ZNF804B: variants seen among roughly 807,000 people sequenced by gnomAD.
ZNF804B encodes the protein zinc finger 804B.
ZNF804B carries 80 observed loss-of-function variants against 101.4 expected under a neutral mutation model. The ratio of observed to expected loss-of-function variants is 0.79; its 90% CI spans 0.66 to 0.95. ZNF804B has a LOEUF of 0.95. Ranked by LOEUF, ZNF804B falls within the 40% of genes least tolerant of loss-of-function variation. The pLI is 0.00. For missense variants in ZNF804B, 1,673 were observed against 1,561.9 expected (o/e 1.07, Z -1.20); for synonymous variants, 622 against 558.8 (o/e 1.11, Z -1.59).
In ZNF804B at chr7:88,794,820, G is replaced by T. The variant is rs540627286; in HGVS notation, c.108+34736G>T. On this transcript the variant is annotated intron_variant, in intron 1 of 3. Transcript: ENST00000333190. ...TCCTATCAAGAAGGAATTTCTTTAG[G>T]TGTAGTCGTTGTTTCTCTTCTTGAA... The T allele has an allele frequency of 4.6e-5, 74 of 1,613,724 alleles. 1 individual carries two copies. The South Asian group carries it at 7.7e-4, about 17-fold the overall frequency.
At chr7:89,042,244 A>G (rs1211418032) in intron 1 of ZNF804B, among the ~76,000 whole-genome samples, 1 of 152,194 alleles carries the variant, frequency 6.6e-6, no homozygotes, top group Non-Finnish European at 1.5e-5. Flanking sequence ...TAATAATAAT[A>G]TGAGGGATAA....
At chr7:89,094,147 A>C (rs1438574512) in intron 1 of ZNF804B, among the ~76,000 whole-genome samples, 1 of 152,214 alleles carries the variant, frequency 6.6e-6, no homozygotes, top group Non-Finnish European at 1.5e-5. Flanking sequence ...CAAGCTATTG[A>C]ATTGTAGATA....
At chr7:89,285,522 CAAAAAAAAAAAA>C (rs778078214) in intron 2 of ZNF804B, among the ~76,000 whole-genome samples, 13 of 22,396 alleles carry the variant, frequency 5.8e-4, no homozygotes, top group Admixed American at 1.6e-3. Flanking sequence ...GACTCTGTCT[CAAAAAAAAAAAA>C]AAAAAAAAAA....
intron 1 of ZNF804B, among the ~76,000 whole-genome samples, chr7:88,975,262 T>C (rs765676511): frequency 4.5e-4 from 68 of 151,532 alleles, no homozygotes; most frequent in Admixed American, 9.9e-4. Flanking sequence ...GTCTCTTCAA[T>C]ATACTGATTT....
intron 2 of ZNF804B, among the ~76,000 whole-genome samples, chr7:89,296,800 T>C (rs541083388): frequency 6.5e-4 from 99 of 152,204 alleles, no homozygotes; most frequent in African/African-American, 2.2e-3. Context: ...GAGAACTTAA[T>C]AGGTAATTCT....
At chr7:89,142,084 T>A (rs1345908019) in intron 1 of ZNF804B, among the ~76,000 whole-genome samples, 4 of 151,710 alleles carry the variant, frequency 2.6e-5, no homozygotes, top group African/African-American at 9.7e-5. Flanking sequence ...AAGATTTTTT[T>A]AAGATTAAGA....
At chr7:89,009,970 C>T (rs919873613) in intron 1 of ZNF804B, among the ~76,000 whole-genome samples, 3 of 152,090 alleles carry the variant, frequency 2.0e-5, no homozygotes, top group Non-Finnish European at 4.4e-5. Flanking sequence ...TCTCATTTTC[C>T]ATTATTTCCT....
chr7:88,995,104 C>A (rs917330248), intron 1 of ZNF804B, among the ~76,000 whole-genome samples: 1 of 152,040 alleles, frequency 6.6e-6, no homozygotes, highest in Non-Finnish European at 1.5e-5. Context: ...ATATCGCCTG[C>A]CTATCTATTG....
intron 1 of ZNF804B, among the ~76,000 whole-genome samples, chr7:88,832,647 G>C: frequency 6.6e-6 from 1 of 151,772 alleles, no homozygotes; most frequent in East Asian, 1.9e-4. Context: ...AAATAGATTT[G>C]ATTTTTTTAT....
At chr7:89,089,119 T>C (rs1789847664) in intron 1 of ZNF804B, among the ~76,000 whole-genome samples, 1 of 151,328 alleles carries the variant, frequency 6.6e-6, no homozygotes, top group South Asian at 2.1e-4. Flanking sequence ...AGCTTAAATG[T>C]AGTTTAATTT....
In ZNF804B at chr7:88,910,132, T is replaced by G. The variant is rs147212464; in HGVS notation, c.108+150048T>G. On this transcript the variant is annotated intron_variant, in intron 1 of 3. Transcript: ENST00000333190. The stretch of plus-strand genomic sequence containing the variant: ...AGTGAATAGGTACATACAGGTAAAC[T>G]GTGGAGACAGCCTTAGGCTCCCTTA... Among the ~76,000 whole-genome samples the G allele has an allele frequency of 1.6e-3, 249 of 152,020 alleles. 1 individual carries two copies. Among genetic ancestry groups the G allele is most frequent in the African/African-American group, 5.7e-3 (237 of 41,562 alleles).
intron 1 of ZNF804B, among the ~76,000 whole-genome samples, chr7:88,958,054 C>T (rs1793337668): frequency 1.3e-5 from 2 of 151,268 alleles, no homozygotes; most frequent in Non-Finnish European, 3.0e-5. Context: ...AATCTGACAT[C>T]AGGTGATTGC....
At chr7:88,861,582 C>A (rs1047959528) in intron 1 of ZNF804B, among the ~76,000 whole-genome samples, 3 of 152,102 alleles carry the variant, frequency 2.0e-5, no homozygotes, top group African/African-American at 7.2e-5. Flanking sequence ...GATCTCTCAG[C>A]GATATCTGTC....
rs764779090 is a variant in ZNF804B, at chr7:89,333,771, CA to C, written c.791del (p.Lys264SerfsTer18). The part of the protein sequence containing the change: ...YKTKQTADKC[K>X]CCRFANKDTH... Reference sequence around the variant, plus strand: ...AAACAAAACAAACTGCAGATAAGTGCAAGTGCTGCAGGTTTGCAAATAAAGA... The same window carrying C: ...AAACAAAACAAACTGCAGATAAGTGCAGTGCTGCAGGTTTGCAAATAAAGA... On this transcript the variant is annotated frameshift_variant, in exon 4 of 4. Coordinates refer to ENST00000333190, the MANE Select transcript of ZNF804B (RefSeq NM_181646.5). LOFTEE classifies it high-confidence loss of function. 1 of 1,613,154 alleles carries C rather than the reference CA, an allele frequency of 6.2e-7. No homozygotes were observed. Among genetic ancestry groups the C allele is most frequent in the Non-Finnish European group, 8.5e-7 (1 of 1,179,680 alleles).
chr7:88,937,739 T>C (rs1792994806), intron 1 of ZNF804B, among the ~76,000 whole-genome samples: 1 of 151,858 alleles, frequency 6.6e-6, no homozygotes, highest in Non-Finnish European at 1.5e-5. Context: ...AAAAGAAAAA[T>C]CAATATGTGT....
intron 1 of ZNF804B, among the ~76,000 whole-genome samples, chr7:88,999,528 A>G (rs867176750): frequency 2.6e-5 from 4 of 151,938 alleles, no homozygotes; most frequent in Non-Finnish European, 5.9e-5. Context: ...TTTTCCTCCA[A>G]TGAGGAATTC....
At chr7:89,009,408 T>C (rs931340993) in intron 1 of ZNF804B, among the ~76,000 whole-genome samples, 3 of 152,188 alleles carry the variant, frequency 2.0e-5, no homozygotes, top group African/African-American at 7.2e-5. Context: ...ACAAGATAAA[T>C]ATTTTCTTAG....
At chr7:89,110,251 G>A (rs996715719) in intron 1 of ZNF804B, among the ~76,000 whole-genome samples, 5 of 152,130 alleles carry the variant, frequency 3.3e-5, no homozygotes, top group Admixed American at 1.3e-4. Flanking sequence ...AATTACAGTA[G>A]TTCAATAATA....
rs757534983 is a variant in ZNF804B at position 89,335,661 on chromosome 7, C to T, written c.2679C>T (p.Ser893=). 6.8e-6 allele frequency: 11 copies of T among 1,613,990 alleles called. No individual in the cohort carries two copies. The highest frequency in any genetic ancestry group is 3.3e-5 in the Admixed American group (2 of 59,948). ...LGKVRPMKCN[S]GNISCLLKNC... is the part of the protein sequence containing the mutation. ...AAGTCAGGCCCATGAAGTGTAACTC[C>T]GGGAATATCAGCTGCCTTCTAAAGA... is the stretch of plus-strand genomic sequence containing the variant. The change falls in exon 4 of 4, where the codon TCC becomes TCT. Residue 893 remains serine (S), a synonymous_variant. Coordinates refer to ENST00000333190, the MANE Select transcript of ZNF804B (RefSeq NM_181646.5).
Sources: allele counts gnomAD v4.1 joint callset (sites outside exome capture counted in the v4.1 genomes callset), GRCh38; gene constraint gnomAD v4.1.1; transcripts MANE v1.5; gene names NCBI Gene and HGNC (gene_info 2026-07-23, HGNC 2026-07-21).